Variants in FILIP1 observed in about 807,000 individuals in gnomAD.
The protein encoded by FILIP1 is filamin-A-interacting protein 1.
Under a neutral mutation model 102.1 loss-of-function variants are expected in FILIP1, and 61 were observed. The observed-to-expected ratio is 0.60, with a 90% CI of 0.49 to 0.74. The LOEUF is 0.74. Ranked by LOEUF, FILIP1 falls within the 30% of genes least tolerant of loss-of-function variation. FILIP1 has a pLI of 0.00. For synonymous variants in FILIP1, 491 were observed against 526.9 expected (o/e 0.93, Z 0.93); for missense variants, 1,314 against 1,441.2 (o/e 0.91, Z 1.43).
At chr6:75,416,328 C>T (rs142585949) in intron 1 of FILIP1, among the ~76,000 whole-genome samples, 13 of 151,988 alleles carry the variant, frequency 8.6e-5, no homozygotes, top group African/African-American at 2.7e-4. Context: ...AGCAAATGGA[C>T]GCTTTTATGT....
intron 4 of FILIP1, among the ~76,000 whole-genome samples, chr6:75,341,627 T>C (rs1469621523): frequency 5.9e-5 from 9 of 152,176 alleles, no homozygotes; most frequent in Non-Finnish European, 1.3e-4. Context: ...TTGTATGTAA[T>C]ATAGTTTATA....
At chr6:75,292,449 A>G (rs1772567528) in exon 7 of FILIP1, 1 of 152,174 alleles carries the variant, frequency 6.6e-6, no homozygotes, top group African/African-American at 2.4e-5. Flanking sequence ...GTGGATCTAC[A>G]GCATTTTCTC....
intron 3 of FILIP1, among the ~76,000 whole-genome samples, chr6:75,360,184 C>T (rs1775129386): frequency 6.6e-6 from 1 of 152,202 alleles, no homozygotes; most frequent in African/African-American, 2.4e-5. Context: ...TTCCCTCAGA[C>T]ATGCCCAAAA....
chr6:75,295,883 C>T, exon 7 of FILIP1: 1 of 1,411,866 alleles, frequency 7.1e-7, no homozygotes, highest in Non-Finnish European at 9.2e-7. Context: ...GTCGTACACA[C>T]ACCCAGTATG....
At chr6:75,461,408 T>A (rs1298305228) in intron 1 of FILIP1, among the ~76,000 whole-genome samples, 1 of 152,204 alleles carries the variant, frequency 6.6e-6, no homozygotes, top group Non-Finnish European at 1.5e-5. Context: ...GGCATAGAAT[T>A]TTTCCTTTGC....
At position 75,312,601 on chromosome 6, in the gene FILIP1, C is replaced by T. The variant is rs1432918535; in HGVS notation, c.3231G>A (p.Arg1077=). 1 of 1,614,052 alleles carries T rather than the reference C, an allele frequency of 6.2e-7. No homozygotes were observed. Among genetic ancestry groups the T allele is most frequent in the East Asian group, 2.2e-5 (1 of 44,896 alleles). Residue 1077 remains arginine, a synonymous_variant, in exon 5 of 6, where the codon CGG becomes CGA. Transcript: ENST00000237172. ...IHIHLGSQFK[R]SPGTSGEGVS... The stretch of plus-strand genomic sequence containing the variant: ...CTCCTTCACCTGAAGTCCCAGGGGA[C>T]CGTTTAAACTGAGACCCTAAGTGAA...
At chr6:75,376,572 A>T (rs1212372754) in intron 2 of FILIP1, among the ~76,000 whole-genome samples, 1 of 152,192 alleles carries the variant, frequency 6.6e-6, no homozygotes, top group Non-Finnish European at 1.5e-5. Context: ...ACTGCCTGAC[A>T]TACAGTGAGG....
At chr6:75,346,522 G>A (rs566603531) in intron 4 of FILIP1, among the ~76,000 whole-genome samples, 3 of 152,250 alleles carry the variant, frequency 2.0e-5, no homozygotes, top group South Asian at 4.2e-4. Flanking sequence ...TTAATCCAGA[G>A]GGGTGCCTGG....
At position 75,428,665 on chromosome 6, in the gene FILIP1, T is replaced by G. The variant is rs550330917; in HGVS notation, c.-6-13687A>C. Among the ~76,000 whole-genome samples, 24 of 152,298 alleles carry G rather than the reference T, an allele frequency of 1.6e-4. No homozygotes were observed. In the South Asian group the frequency reaches 3.1e-3, roughly 20 times the overall value. On this transcript the variant is annotated intron_variant, in intron 1 of 5. Transcript: ENST00000237172. ...ACTAGAAATACTTGTCTTAGTTGGA[T>G]AAAAATAATATTAACTGTAATTATT... is the stretch of plus-strand genomic sequence containing the variant.
intron 3 of FILIP1, chr6:75,360,656 T>C (rs552101217): frequency 6.6e-5 from 10 of 152,234 alleles, no homozygotes; most frequent in Admixed American, 1.3e-4. Context: ...TGCTGTTTAA[T>C]TCTTCCCCAG....
intron 1 of FILIP1, among the ~76,000 whole-genome samples, chr6:75,460,420 GA>G (rs1323388288): frequency 3.9e-5 from 6 of 152,198 alleles, no homozygotes; most frequent in Admixed American, 2.0e-4. Flanking sequence ...ATTTTTTAAA[GA>G]ATCTAAATAT....
intron 1 of FILIP1, among the ~76,000 whole-genome samples, chr6:75,468,120 G>T (rs1374860007): frequency 6.6e-6 from 1 of 152,136 alleles, no homozygotes; most frequent in Non-Finnish European, 1.5e-5. Flanking sequence ...GACGCCAGGG[G>T]CATCCTCATC....
Position 75,466,584 on chromosome 6 carries a change from T to A in FILIP1, c.-7+26830A>T, listed in dbSNP as rs149117805. ...CAGTATGGACCCATATTCTGTCTTC[T>A]GTTAGACCCCTTGGCAATTAAAATC... On this transcript the variant is annotated intron_variant, in intron 1 of 5. Transcript: ENST00000237172. Among the ~76,000 whole-genome samples the A allele has an allele frequency of 5.1e-3, 784 of 152,356 alleles. 2 individuals are homozygous for A. The highest frequency in any genetic ancestry group is 0.037 in the Middle Eastern group (11 of 294).
At chr6:75,484,835 T>G (rs1030130186) in intron 1 of FILIP1, among the ~76,000 whole-genome samples, 2 of 152,244 alleles carry the variant, frequency 1.3e-5, no homozygotes, top group Non-Finnish European at 2.9e-5. Flanking sequence ...GGGGCAGATG[T>G]GCAAAGAGAA....
chr6:75,459,647 A>G (rs1394859923), intron 1 of FILIP1, among the ~76,000 whole-genome samples: 1 of 152,140 alleles, frequency 6.6e-6, no homozygotes, highest in Non-Finnish European at 1.5e-5. Context: ...CATCCACCTT[A>G]TCATTGTTAT....
chr6:75,386,927 G>A (rs962747073), intron 2 of FILIP1, among the ~76,000 whole-genome samples: 38 of 151,970 alleles, frequency 2.5e-4, no homozygotes, highest in African/African-American at 9.2e-4. Context: ...ATGTGCCATG[G>A]TGGTTTTCTG....
At chr6:75,482,694 A>G (rs1779678238) in intron 1 of FILIP1, among the ~76,000 whole-genome samples, 1 of 152,216 alleles carries the variant, frequency 6.6e-6, no homozygotes. Flanking sequence ...TATTGTTAGA[A>G]AAGCAATACA....
At chr6:75,316,630 CGTT>C (rs1473024329) in intron 4 of FILIP1, among the ~76,000 whole-genome samples, 3 of 152,046 alleles carry the variant, frequency 2.0e-5, no homozygotes, top group South Asian at 2.1e-4. Context: ...CTGATCATGT[CGTT>C]AAGATTTTTT....
At chr6:75,489,591 A>G (rs1779899947) in intron 1 of FILIP1, among the ~76,000 whole-genome samples, 1 of 152,086 alleles carries the variant, frequency 6.6e-6, no homozygotes, top group African/African-American at 2.4e-5. Context: ...ATAAGGAAAT[A>G]GCATTATTAC....
Sources: gnomAD v4.1 joint callset for allele counts (sites outside exome capture counted in the v4.1 genomes callset) on GRCh38, gnomAD v4.1.1 for gene constraint, MANE v1.5 for transcripts, NCBI Gene and HGNC (gene_info 2026-07-23, HGNC 2026-07-21) for gene names.